Variants in SNX29 observed in about 807,000 individuals in gnomAD.
The protein encoded by SNX29 is sorting nexin 29, also known as sorting nexin-29.
A neutral mutation model predicts 102.1 loss-of-function variants in SNX29; 78 were observed. That is an observed-to-expected ratio of 0.76 (90% CI 0.64 to 0.92). The LOEUF (loss-of-function observed/expected upper bound fraction) is 0.92. Ranked by LOEUF, SNX29 falls within the 40% of genes least tolerant of loss-of-function variation. The pLI, the probability that SNX29 is intolerant of heterozygous loss-of-function variation, is 0.00. For missense variants in SNX29, 1,280 were observed against 1,061.7 expected (o/e 1.21, Z -2.86); for synonymous variants, 580 against 414.5 (o/e 1.40, Z -4.85).
chr16:12,114,609 C>T (rs1030607134), intron 11 of SNX29, among the ~76,000 whole-genome samples: 3 of 150,612 alleles, frequency 2.0e-5, no homozygotes, highest in African/African-American at 7.3e-5. Flanking sequence ...CTTCTTGAGA[C>T]GGAGTTTTGC....
chr16:12,526,581 G>A (rs1393019203), intron 20 of SNX29: 7 of 530,468 alleles, frequency 1.3e-5, no homozygotes, highest in South Asian at 3.1e-5. Context: ...AAATGGCCGC[G>A]ATAGTTCACG....
At chr16:11,987,014 A>G (rs2055655514) in intron 1 of SNX29, among the ~76,000 whole-genome samples, 1 of 152,202 alleles carries the variant, frequency 6.6e-6, no homozygotes, top group Middle Eastern at 3.2e-3. Flanking sequence ...CTTCGGATAC[A>G]GACAAGTTCT....
chr16:12,116,737 A>ACG (rs2053719076), intron 11 of SNX29, among the ~76,000 whole-genome samples: 2 of 152,150 alleles, frequency 1.3e-5, no homozygotes, highest in African/African-American at 4.8e-5. Context: ...AAACAGGCTT[A>ACG]GTCAATACAT....
chr16:12,425,529 TAA>T (rs57793049), intron 18 of SNX29, among the ~76,000 whole-genome samples: 100 of 78,402 alleles, frequency 1.3e-3, no homozygotes, highest in African/African-American at 3.4e-3. Flanking sequence ...TGACCAGAGT[TAA>T]AAAAAAAAAA....
intron 11 of SNX29, among the ~76,000 whole-genome samples, chr16:12,083,854 C>T (rs897927235): frequency 2.0e-5 from 3 of 152,196 alleles, no homozygotes; most frequent in African/African-American, 4.8e-5. Context: ...TCCCTGGCTT[C>T]GTGTAATAAT....
chr16:12,525,489 A>C (rs1330064406), intron 20 of SNX29, among the ~76,000 whole-genome samples: 1 of 152,124 alleles, frequency 6.6e-6, no homozygotes, highest in Non-Finnish European at 1.5e-5. Context: ...CATGGCCAAC[A>C]TGTTGAAATC....
intron 14 of SNX29, among the ~76,000 whole-genome samples, chr16:12,222,424 A>G (rs921328343): frequency 2.0e-5 from 3 of 152,188 alleles, no homozygotes; most frequent in African/African-American, 7.2e-5. Context: ...GAAAAAGACC[A>G]CTTGATAAAA....
chr16:12,430,364 C>T (rs765708707), intron 18 of SNX29, among the ~76,000 whole-genome samples: 3 of 152,188 alleles, frequency 2.0e-5, no homozygotes, highest in Non-Finnish European at 4.4e-5. Flanking sequence ...GTGAGGTTCC[C>T]GGCCTTGTGG....
At chr16:12,506,592 T>A (rs1408225940) in intron 19 of SNX29, among the ~76,000 whole-genome samples, 1 of 152,240 alleles carries the variant, frequency 6.6e-6, no homozygotes, top group Non-Finnish European at 1.5e-5. Flanking sequence ...GCTATTTGAT[T>A]GCCCAAAAAG....
intron 3 of SNX29, among the ~76,000 whole-genome samples, chr16:12,017,691 C>T (rs2056891387): frequency 6.6e-6 from 1 of 152,010 alleles, no homozygotes; most frequent in Non-Finnish European, 1.5e-5. Context: ...TTGATCTTGA[C>T]CCATCTGGAA....
At chr16:12,435,908 G>A (rs2085512325) in intron 18 of SNX29, among the ~76,000 whole-genome samples, 1 of 152,148 alleles carries the variant, frequency 6.6e-6, no homozygotes, top group South Asian at 2.1e-4. Flanking sequence ...CAGAGCTAGG[G>A]AGCAGCACGC....
intron 18 of SNX29, among the ~76,000 whole-genome samples, chr16:12,467,363 G>A (rs1050003029): frequency 6.6e-6 from 1 of 152,212 alleles, no homozygotes; most frequent in Admixed American, 6.5e-5. Flanking sequence ...GAAGATCCAT[G>A]CTCTCCTTTT....
chr16:12,046,520 G>C, intron 6 of SNX29, 66 bp downstream of exon 6: 1 of 1,467,832 alleles, frequency 6.8e-7, no homozygotes, highest in South Asian at 1.1e-5. Flanking sequence ...CCTTGGGGCA[G>C]TTCCACAGCG....
At chr16:12,335,587 G>A (rs1467343490) in intron 15 of SNX29, among the ~76,000 whole-genome samples, 1 of 152,118 alleles carries the variant, frequency 6.6e-6, no homozygotes, top group Non-Finnish European at 1.5e-5. Flanking sequence ...GAGGTGGGAG[G>A]ATCTCTTGAG....
chr16:12,078,114 G>A (rs562515113), intron 10 of SNX29, among the ~76,000 whole-genome samples: 1 of 152,274 alleles, frequency 6.6e-6, no homozygotes, highest in South Asian at 2.1e-4. Flanking sequence ...CAGCCTTCCT[G>A]TGCTTAGGAA....
intron 14 of SNX29, among the ~76,000 whole-genome samples, chr16:12,263,269 T>A (rs2078834145): frequency 1.3e-5 from 2 of 152,014 alleles, no homozygotes; most frequent in Non-Finnish European, 2.9e-5. Context: ...GTAGCTGGTA[T>A]TATAGCCACC....
Position 12,323,887 on chromosome 16 carries a change from T to C in SNX29, c.1783-32276T>C, listed in dbSNP as rs572404451. Among the ~76,000 whole-genome samples, 3 of 152,326 alleles carry C rather than the reference T, an allele frequency of 2.0e-5. No individual in the cohort carries two copies. The East Asian group carries it at 5.8e-4, about 29-fold the overall frequency. ...ACATGCAGTTGTTAAGTACTAACTT[T>C]TATTATTACTGGTTTAAGTTGTTGT... On this transcript the variant is annotated intron_variant, in intron 15 of 20. Coordinates refer to ENST00000566228, the MANE Select transcript of SNX29 (RefSeq NM_032167.5).
At chr16:12,527,223 G>A in intron 20 of SNX29, 1 of 533,964 alleles carries the variant, frequency 1.9e-6, no homozygotes, top group South Asian at 1.5e-5. Context: ...GGTAATGATG[G>A]ATCAGCCACA....
intron 11 of SNX29, among the ~76,000 whole-genome samples, chr16:12,084,633 G>C (rs1305351584): frequency 1.3e-5 from 2 of 152,104 alleles, no homozygotes; most frequent in African/African-American, 2.4e-5. Flanking sequence ...CAGCTGCCTG[G>C]GCTCAGGTTC....
Sources: allele counts gnomAD v4.1 joint callset (sites outside exome capture counted in the v4.1 genomes callset), GRCh38; gene constraint gnomAD v4.1.1; transcripts MANE v1.5; gene names NCBI Gene and HGNC (gene_info 2026-07-23, HGNC 2026-07-21).